DDX60: variants seen among roughly 807,000 people sequenced by gnomAD.
DDX60 encodes the protein DExD/H-box helicase 60.
A neutral mutation model predicts 212.8 loss-of-function variants in DDX60; 165 were observed. The ratio of observed to expected loss-of-function variants is 0.78; its 90% CI spans 0.68 to 0.88. The LOEUF is 0.88. Ranked by LOEUF, DDX60 falls within the 40% of genes least tolerant of loss-of-function variation. The pLI is 0.00. For synonymous variants in DDX60, 703 were observed against 685.3 expected, an observed-to-expected ratio of 1.03 and a Z score of -0.40; for missense variants, 1,905 against 2,003.9, an observed-to-expected ratio of 0.95 and a Z score of 0.94.
chr4:168,222,398 G>A (rs2149490387), intron 35 of DDX60, among the ~76,000 whole-genome samples: 1 of 152,224 alleles, frequency 6.6e-6, no homozygotes, highest in South Asian at 2.1e-4. Context: ...AAACTGTACT[G>A]TAGAGGATCA....
At chr4:168,316,090 T>C (rs1220254418) in intron 1 of DDX60, among the ~76,000 whole-genome samples, 1 of 152,092 alleles carries the variant, frequency 6.6e-6, no homozygotes, top group Non-Finnish European at 1.5e-5. Context: ...CCATCAAGAA[T>C]GAAGACAATC....
At chr4:168,323,341 T>C (rs1446093349), upstream of DDX60, among the ~76,000 whole-genome samples, 1 of 152,174 alleles carries the variant, frequency 6.6e-6, no homozygotes, top group Non-Finnish European at 1.5e-5. Context: ...CCTGTGGCAC[T>C]GGTATAGGGA....
intron 9 of DDX60, 51 bp downstream of exon 9, chr4:168,288,123 A>G: frequency 2.5e-6 from 3 of 1,206,418 alleles, no homozygotes; most frequent in Non-Finnish European, 3.4e-6. Context: ...TAAATTCCTT[A>G]TAAAGTTTAT....
chr4:168,276,777 C>A (rs960349975), intron 14 of DDX60, among the ~76,000 whole-genome samples: 10 of 152,294 alleles, frequency 6.6e-5, no homozygotes, highest in African/African-American at 2.4e-4. Context: ...CTATATTTCA[C>A]CTATTTAACA....
At chr4:168,262,600 T>C in intron 23 of DDX60, 83 bp downstream of exon 23, 1 of 875,760 alleles carries the variant, frequency 1.1e-6, no homozygotes, top group African/African-American at 1.7e-5. Context: ...TTTAAAAGAT[T>C]AGATGCCAGT....
Position 168,239,150 on chromosome 4 carries a change from T to A in DDX60, c.4165-1355A>T, listed in dbSNP as rs201332975. The stretch of plus-strand genomic sequence containing the variant: ...TGTAAATATTTACTGAATGTCTACA[T>A]CAGAAAATCAGACAAACAAACATTA... On this transcript the variant is annotated intron_variant, in intron 30 of 37. Coordinates refer to ENST00000393743, the MANE Select transcript of DDX60 (RefSeq NM_017631.6). Among the ~76,000 whole-genome samples, 5 of 152,106 alleles carry A rather than the reference T, an allele frequency of 3.3e-5. No homozygotes were observed. The East Asian group carries it at 9.6e-4, about 29-fold the overall frequency.
At chr4:168,292,935 T>C (rs970498734) in intron 7 of DDX60, among the ~76,000 whole-genome samples, 6 of 152,292 alleles carry the variant, frequency 3.9e-5, no homozygotes, top group Admixed American at 2.0e-4. Flanking sequence ...AATCTGATAA[T>C]TGGAAAAACA....
Position 168,262,094 on chromosome 4 carries a change from T to C in DDX60, c.3179A>G (p.Asn1060Ser), listed in dbSNP as rs371983852. The C allele has an allele frequency of 2.0e-5, 32 of 1,594,908 alleles. No homozygotes were observed. In the African/African-American group the frequency reaches 3.1e-4, roughly 16 times the overall value. The change falls in exon 24 of 38, where the codon AAT (asparagine) becomes AGT (serine). Residue 1060 changes from asparagine (N) to serine (S), a missense_variant. Transcript: ENST00000393743. Reference sequence around the variant, plus strand: ...ATCCATCTTTTTAATGACTAATTTATTGTTAAAATGAATGAAGTTTTCTGG... The same window carrying C: ...ATCCATCTTTTTAATGACTAATTTACTGTTAAAATGAATGAAGTTTTCTGG... Reference protein sequence around the residue: ...LCPENFIHFNNKLVIKKMDAR... With the variant: ...LCPENFIHFNSKLVIKKMDAR...
At position 168,236,391 on chromosome 4, in the gene DDX60, T is replaced by A. The variant is rs1454847; in HGVS notation, c.4412-18A>T. On this transcript the variant is annotated intron_variant, in intron 32 of 37. Transcript: ENST00000393743. The stretch of plus-strand genomic sequence containing the variant: ...TTTTGAGCCTATATAAAACAAAGTG[T>A]CTTCTTGTAAATATGAAAGGGTATA... The A allele has an allele frequency of 0.014, 22,141 of 1,573,650 alleles. 1,436 individuals carry two copies. The East Asian group carries it at 0.17, about 12-fold the overall frequency.
chr4:168,293,862 T>C lies in DDX60; in HGVS notation c.807A>G (p.Ser269=), dbSNP rs537967810. 3.4e-5 allele frequency: 55 copies of C among 1,613,866 alleles called. 1 individual carries two copies. In the South Asian group the frequency reaches 5.6e-4, roughly 16 times the overall value. ...IRRVFCVTSC[S]LSLRMYHRFL... ...AGCGATGGTACATTCTCAAAGATAA[T>C]GAGCATGAAGTAACACAAAAGACAC... is the stretch of plus-strand genomic sequence containing the variant. Residue 269 remains serine, a synonymous_variant, in exon 7 of 38, where the codon TCA becomes TCG. Transcript: ENST00000393743.
chr4:168,240,341 A>G (rs759680070), intron 30 of DDX60, among the ~76,000 whole-genome samples: 6 of 152,196 alleles, frequency 3.9e-5, no homozygotes, highest in Non-Finnish European at 8.8e-5. Context: ...CAAATGAAAA[A>G]ACATTTCATG....
intron 1 of DDX60, among the ~76,000 whole-genome samples, chr4:168,312,788 A>G (rs1737199176): frequency 7.9e-6 from 1 of 127,154 alleles, no homozygotes; most frequent in East Asian, 2.1e-4. Flanking sequence ...GATAGTAAGG[A>G]ACATATAATG....
At chr4:168,269,934 C>A (rs1735019159) in intron 19 of DDX60, among the ~76,000 whole-genome samples, 1 of 152,192 alleles carries the variant, frequency 6.6e-6, no homozygotes, top group Non-Finnish European at 1.5e-5. Flanking sequence ...ATAAAAAAGA[C>A]TTTTCTGACC....
chr4:168,283,940 A>G (rs1317494255), intron 12 of DDX60, among the ~76,000 whole-genome samples: 2 of 152,120 alleles, frequency 1.3e-5, no homozygotes, highest in Non-Finnish European at 2.9e-5. Flanking sequence ...CAACCATCTA[A>G]GATATTCTGA....
chr4:168,308,835 A>C lies in DDX60; in HGVS notation c.75-640T>G, dbSNP rs116107474. Among the ~76,000 whole-genome samples the C allele has an allele frequency of 6.0e-3, 917 of 151,596 alleles. 8 individuals are homozygous for C. The highest frequency in any genetic ancestry group is 0.021 in the African/African-American group (884 of 41,394). ...GTGAAAATTTGTGACTATTTGAAAA[A>C]ACTCTCAAACCGTGCAGCCTACAAA... On this transcript the variant is annotated intron_variant, in intron 3 of 37. Transcript: ENST00000393743.
At chr4:168,262,653 A>G (rs763488589) in intron 23 of DDX60, 30 bp downstream of exon 23, 17 of 1,406,140 alleles carry the variant, frequency 1.2e-5, no homozygotes, top group Non-Finnish European at 1.7e-5. Flanking sequence ...CATCCTCTAT[A>G]ATAGGATTAA....
chr4:168,261,097 T>TC (rs1336773516), intron 24 of DDX60, 108 bp from the exon 25 acceptor site: 1 of 1,213,546 alleles, frequency 8.2e-7, no homozygotes, highest in Admixed American at 2.5e-5. Context: ...TTTTGGGTTT[T>TC]TTTAAAATAG....
chr4:168,254,594 C>T (rs1040582769), intron 26 of DDX60, among the ~76,000 whole-genome samples: 8 of 152,096 alleles, frequency 5.3e-5, no homozygotes, highest in East Asian at 1.9e-4. Context: ...GAAAAATACA[C>T]GGTTCCTGTT....
In DDX60 at chr4:168,252,606, T is replaced by G; in HGVS notation, c.3608A>C (p.His1203Pro). The G allele has an allele frequency of 6.2e-7, 1 of 1,613,494 alleles. No individual in the cohort carries two copies. Among genetic ancestry groups the G allele is most frequent in the Non-Finnish European group, 8.5e-7 (1 of 1,179,646 alleles). ...CACTAGATTATCATGTTCAGCTTCA[T>G]GTATTAGGCTTTGATCCACATTTCT... ...KTRNVDQSLIHEAEHDNLVKC... is the reference protein window; with the variant it reads ...KTRNVDQSLIPEAEHDNLVKC... Residue 1203 changes from histidine (H) to proline (P), a missense_variant, in exon 27 of 38, where the codon CAT (histidine) becomes CCT (proline). Physicochemically the swap from His to Pro is moderately conservative, Grantham distance 77. Coordinates refer to ENST00000393743, the MANE Select transcript of DDX60 (RefSeq NM_017631.6).
Sources: gnomAD v4.1 joint callset for allele counts (sites outside exome capture counted in the v4.1 genomes callset) on GRCh38, gnomAD v4.1.1 for gene constraint, MANE v1.5 for transcripts, NCBI Gene and HGNC (gene_info 2026-07-23, HGNC 2026-07-21) for gene names.